Variants in SPATA22 observed in about 807,000 individuals in gnomAD.
SPATA22 encodes spermatogenesis associated 22, also known as spermatogenesis-associated protein 22.
A neutral mutation model predicts 47.8 loss-of-function variants in SPATA22; 29 were observed. The observed-to-expected ratio is 0.61, with a 90% CI of 0.45 to 0.83. The LOEUF (loss-of-function observed/expected upper bound fraction) is 0.83, where lower values mean the gene tolerates loss of function less well. Among genes scored for constraint, SPATA22 ranks in the 40% least tolerant of loss-of-function variants. SPATA22 has a pLI of 0.00. For synonymous variants in SPATA22, 133 were observed against 140.9 expected (o/e 0.94, Z 0.40); for missense variants, 410 against 421.7 (o/e 0.97, Z 0.24).
rs183335305 is a variant in SPATA22, at chr17:3,466,228, C to T, written c.172+1198G>A. 2.0e-3 allele frequency among the ~76,000 whole-genome samples: 306 copies of T among 150,338 alleles called. 1 individual carries two copies. The highest frequency in any genetic ancestry group is 7.1e-3 in the African/African-American group (291 of 40,782). ...GCTACATCAGAGATATTTTTAAATTCTAGCTATATAAGATCCTATTAATTT... is the reference window on the plus strand; with the variant it reads ...GCTACATCAGAGATATTTTTAAATTTTAGCTATATAAGATCCTATTAATTT... On this transcript the variant is annotated intron_variant, in intron 3 of 8. Coordinates refer to ENST00000572969, the MANE Select transcript of SPATA22 (RefSeq NM_001170698.2).
rs2073952062 is a variant in SPATA22 at position 3,498,817 on chromosome 17, G to A, written c.-74+14595C>T. Reference sequence around the variant, plus strand: ...AACAGAATACTGTAATTTGTTAGTTGTCTAGAGTCTGACATAAATTTTTAG... The same window carrying A: ...AACAGAATACTGTAATTTGTTAGTTATCTAGAGTCTGACATAAATTTTTAG... On this transcript the variant is annotated intron_variant, in intron 1 of 8. Coordinates refer to the SPATA22 transcript ENST00000541913. The A allele has an allele frequency of 2.3e-6, 3 of 1,320,818 alleles. No individual in the cohort carries two copies. In the Admixed American group the frequency reaches 8.9e-5, roughly 39 times the overall value. The allele number at this position is 1,320,818 out of a possible 1,614,324, so 81.8% of individuals were successfully genotyped here.
chr17:3,440,311 C>A lies in SPATA22; in HGVS notation c.928G>T (p.Gly310Cys). The change falls in exon 9 of 9, where the codon GGC becomes TGC. Residue 310 changes from glycine to cysteine, a missense_variant. Gly to Cys is a radical substitution (Grantham distance 159). Coordinates refer to ENST00000572969, the MANE Select transcript of SPATA22 (RefSeq NM_001170698.2). ...TTGCCAACACATCTATGAACTCGGC[C>A]TCTAATCAGTCTCGGAAGTTCACGA... is the stretch of plus-strand genomic sequence containing the variant. ...IDRELPRLIR[G>C]RVHRCVGNYD... 6.3e-7 allele frequency: 1 copy of A among 1,577,508 alleles called. No individual in the cohort carries two copies. Among genetic ancestry groups the A allele is most frequent in the South Asian group, 1.2e-5 (1 of 85,682 alleles).
upstream of SPATA22, among the ~76,000 whole-genome samples, chr17:3,476,564 C>T (rs1203288668): frequency 6.6e-6 from 1 of 152,200 alleles, no homozygotes; most frequent in African/African-American, 2.4e-5. Context: ...GTGAATTGCA[C>T]AATTATCTAA....
At chr17:3,497,811 C>A (rs373365419) in intron 1 of SPATA22, among the ~76,000 whole-genome samples, 48 of 152,294 alleles carry the variant, frequency 3.2e-4, no homozygotes, top group African/African-American at 1.1e-3. Flanking sequence ...GCGGATGCTG[C>A]TGGGAAATGT....
At chr17:3,496,223 G>T (rs1276490283) in intron 1 of SPATA22, among the ~76,000 whole-genome samples, 2 of 152,184 alleles carry the variant, frequency 1.3e-5, no homozygotes, top group African/African-American at 2.4e-5. Flanking sequence ...CTCATTCTGG[G>T]CCTTGAGATT....
chr17:3,496,532 G>C lies in SPATA22; in HGVS notation c.-74+16880C>G, dbSNP rs557395592. Among the ~76,000 whole-genome samples, 519 of 152,298 alleles carry C rather than the reference G, an allele frequency of 3.4e-3. 2 individuals are homozygous for C. Among genetic ancestry groups the C allele is most frequent in the Non-Finnish European group, 4.5e-3 (309 of 68,018 alleles). On this transcript the variant is annotated intron_variant, in intron 1 of 8. Transcript: ENST00000541913. ...ACAAACTTGGAGCATCTGAGGAACA[G>C]CAAGAAGACCCATATCCCTGGAGAG... is the stretch of plus-strand genomic sequence containing the variant.
chr17:3,511,459 T>C (rs901810790), intron 1 of SPATA22: 1 of 152,210 alleles, frequency 6.6e-6, no homozygotes, highest in Non-Finnish European at 1.5e-5. Context: ...AAGTACACAT[T>C]CCTCTCGGAG....
Position 3,449,137 on chromosome 17 carries a change from A to G in SPATA22, c.342T>C (p.Gly114=). 1 of 1,603,152 alleles carries G rather than the reference A, an allele frequency of 6.2e-7. No homozygotes were observed. Among genetic ancestry groups the G allele is most frequent in the Middle Eastern group, 1.7e-4 (1 of 6,010 alleles). The change falls in exon 6 of 9, where the codon GGT becomes GGC. Residue 114 remains glycine (G), a synonymous_variant. Transcript: ENST00000572969. ...AAGTTTTCAAGCTGGTATTTTTGTT[A>G]CCATCTCTGTAGCTGTAATAGTGCA... The part of the protein sequence containing the change: ...RSQGGWSYRD[G]NKNTSLKTWN...
intron 2 of SPATA22, chr17:3,468,454 A>C (rs2073359951): frequency 6.6e-6 from 1 of 152,274 alleles, no homozygotes; most frequent in Non-Finnish European, 1.5e-5. Context: ...CTCTGTGAAC[A>C]GTCTCTGATG....
At chr17:3,471,828 C>T (rs2073445206), upstream of SPATA22, 3 of 984,982 alleles carry the variant, frequency 3.0e-6, no homozygotes, top group Non-Finnish European at 3.6e-6. Flanking sequence ...TCAGGCTGTT[C>T]GCAGGCGCCG....
Position 3,445,139 on chromosome 17 carries a change from A to G in SPATA22, c.802+1333T>C, listed in dbSNP as rs145550660. On this transcript the variant is annotated intron_variant, in intron 7 of 8. Coordinates refer to ENST00000572969, the MANE Select transcript of SPATA22 (RefSeq NM_001170698.2). ...TGAGAGCCAAAGGCATCTTTCACAC[A>G]GGAAAAAGCAATTTAGTGGGAAGTC... is the stretch of plus-strand genomic sequence containing the variant. 7.9e-5 allele frequency among the ~76,000 whole-genome samples: 12 copies of G among 152,202 alleles called. No homozygotes were observed. In the East Asian group the frequency reaches 2.3e-3, roughly 29 times the overall value.
intron 1 of SPATA22, among the ~76,000 whole-genome samples, chr17:3,505,722 T>G (rs1264637672): frequency 3.3e-5 from 5 of 151,552 alleles, no homozygotes; most frequent in Non-Finnish European, 7.4e-5. Flanking sequence ...GGGAAATAGC[T>G]GCTTAGGGGT....
At chr17:3,499,327 G>A (rs894680595) in intron 1 of SPATA22, 18 of 372,436 alleles carry the variant, frequency 4.8e-5, no homozygotes, top group Admixed American at 1.7e-4. Context: ...TATTATACAT[G>A]ATACTTGGGT....
intron 1 of SPATA22, among the ~76,000 whole-genome samples, chr17:3,495,076 T>C (rs1041616454): frequency 1.7e-4 from 25 of 151,012 alleles, no homozygotes; most frequent in African/African-American, 5.6e-4. Flanking sequence ...TTATCAATAA[T>C]GACATAGTGA....
At chr17:3,469,430 T>C in intron 1 of SPATA22, 32 bp from the exon 2 acceptor site, 1 of 851,604 alleles carries the variant, frequency 1.2e-6, no homozygotes, top group Non-Finnish European at 1.8e-6. Context: ...ACTCGTATTG[T>C]CTCAACTATA....
intron 1 of SPATA22, chr17:3,494,550 T>A: frequency 9.2e-7 from 1 of 1,090,360 alleles, no homozygotes. Flanking sequence ...TCGCGTACAT[T>A]CGCCCATTTG....
intron 5 of SPATA22, among the ~76,000 whole-genome samples, chr17:3,453,134 G>C (rs957456816): frequency 6.6e-6 from 1 of 152,072 alleles, no homozygotes; most frequent in South Asian, 2.1e-4. Context: ...ATAAATACTA[G>C]CAAGGCAAAT....
intron 1 of SPATA22, among the ~76,000 whole-genome samples, chr17:3,496,799 G>A (rs537805631): frequency 1.5e-4 from 23 of 152,340 alleles, no homozygotes; most frequent in Admixed American, 7.2e-4. Flanking sequence ...AGGAGCGGTG[G>A]CTCACGCCTG....
intron 5 of SPATA22, among the ~76,000 whole-genome samples, chr17:3,459,576 T>G (rs2073080174): frequency 6.6e-6 from 1 of 152,140 alleles, no homozygotes; most frequent in Non-Finnish European, 1.5e-5. Context: ...TGGCTAATTT[T>G]TGTATTTATT....
Sources: gnomAD v4.1 joint callset for allele counts (sites outside exome capture counted in the v4.1 genomes callset) on GRCh38, gnomAD v4.1.1 for gene constraint, MANE v1.5 for transcripts, NCBI Gene and HGNC (gene_info 2026-07-23, HGNC 2026-07-21) for gene names.